The following PIK3R4 variants were observed in gnomAD, a reference collection of about 807,000 sequenced individuals.
PIK3R4 encodes the protein phosphoinositide 3-kinase regulatory subunit 4.
Under a neutral mutation model 136.5 loss-of-function variants are expected in PIK3R4, and 46 were observed. The ratio of observed to expected loss-of-function variants is 0.34; its 90% CI spans 0.27 to 0.43. The LOEUF is 0.43. PIK3R4 is among the 20% of genes least tolerant of loss of function. PIK3R4 has a pLI of 1.00. For synonymous variants in PIK3R4, 557 were observed against 566.7 expected (o/e 0.98, Z 0.24); for missense variants, 1,331 against 1,649.5 (o/e 0.81, Z 3.35).
At chr3:130,700,029 G>A (rs1324403521) in intron 13 of PIK3R4, among the ~76,000 whole-genome samples, 1 of 152,172 alleles carries the variant, frequency 6.6e-6, no homozygotes, top group Non-Finnish European at 1.5e-5. Flanking sequence ...TAGGGTTTTT[G>A]TCTCACTGAG....
intron 13 of PIK3R4, 24 bp from the exon 14 acceptor site, chr3:130,690,678 CATTTATGAACCA>C (rs1192306954): frequency 6.8e-7 from 1 of 1,477,782 alleles, no homozygotes; most frequent in Non-Finnish European, 9.3e-7. Context: ...AAATAAAATT[CATTTATGAACCA>C]ATGTCACTGC....
chr3:130,718,466 G>A lies in PIK3R4; in HGVS notation c.2050C>T (p.Arg684Cys), dbSNP rs753937041. The A allele has an allele frequency of 6.2e-6, 10 of 1,613,376 alleles. 1 individual carries two copies. The highest frequency in any genetic ancestry group is 3.3e-4 in the Middle Eastern group (2 of 6,080). Residue 684 changes from arginine (R) to cysteine (C), a missense_variant, in exon 8 of 20, where the codon CGT (arginine) becomes TGT (cysteine). By Grantham distance (180) the Arg-to-Cys change is radical (BLOSUM62 -3). This residue lies in a region of PIK3R4 where 1,180 missense variants were observed against 1,407.0 expected (regional missense o/e 0.84). Transcript: ENST00000356763. Reference protein sequence around the residue: ...GAVGFITVVARQISTADVYCK... With the variant: ...GAVGFITVVACQISTADVYCK... ...TAGACATCAGCTGTACTTATTTGAC[G>A]AGCTACCACTGTGATAAATCCCACG...
chr3:130,724,951 C>T (rs936881540), intron 6 of PIK3R4, among the ~76,000 whole-genome samples: 2 of 151,790 alleles, frequency 1.3e-5, no homozygotes, highest in African/African-American at 4.8e-5. Context: ...TGAGTAGTTG[C>T]CTCTGGAAAT....
intron 6 of PIK3R4, among the ~76,000 whole-genome samples, chr3:130,726,554 A>G (rs1410957133): frequency 3.9e-5 from 6 of 152,192 alleles, no homozygotes; most frequent in Non-Finnish European, 5.9e-5. Context: ...CGATCAGCAT[A>G]TGACAGAAAG....
At chr3:130,738,815 T>A (rs2066801687) in intron 2 of PIK3R4, among the ~76,000 whole-genome samples, 1 of 151,894 alleles carries the variant, frequency 6.6e-6, no homozygotes, top group Admixed American at 6.6e-5. Flanking sequence ...AATAAATATA[T>A]ACAACTGAAA....
chr3:130,684,234 CA>C lies in PIK3R4; in HGVS notation c.3607+15del, dbSNP rs771435393. On this transcript the variant is annotated intron_variant, in intron 16 of 19. Transcript: ENST00000356763. ...AGAAAATCTCCCAACACATGAAAGC[CA>C]GCCCTCCATCTTACCTGCAATCACC... 6.2e-7 allele frequency: 1 copy of C among 1,607,468 alleles called. No individual in the cohort carries two copies. The highest frequency in any genetic ancestry group is 1.1e-5 in the South Asian group (1 of 90,530).
At position 130,705,775 on chromosome 3, in the gene PIK3R4, C is replaced by T. The variant is rs761116363; in HGVS notation, c.2722-4G>A. On this transcript the variant is annotated splice_polypyrimidine_tract_variant and splice_region_variant and intron_variant, in intron 11 of 19. Transcript: ENST00000356763. ...GGACAGTTGTCACTTCTGGAACCTA[C>T]AAAACAAATAGAATTCTAACTATTT... 1.3e-6 allele frequency: 2 copies of T among 1,563,222 alleles called. No individual in the cohort carries two copies. The highest frequency in any genetic ancestry group is 8.8e-7 in the Non-Finnish European group (1 of 1,134,626).
At position 130,708,459 on chromosome 3, in the gene PIK3R4, C is replaced by T; in HGVS notation, c.2365G>A (p.Ala789Thr). Residue 789 changes from alanine to threonine, a missense_variant, in exon 10 of 20, where the codon GCA becomes ACA. Transcript: ENST00000356763. The stretch of plus-strand genomic sequence containing the variant: ...GATTTCATCATGAAGTCTTTCAGTG[C>T]CAGAAGTTTGTCTTCCTCTTCCTCT... ...MTEEEEDKLL[A>T]LKDFMMKSNK... 6.2e-7 allele frequency: 1 copy of T among 1,613,138 alleles called. No homozygotes were observed. The highest frequency in any genetic ancestry group is 8.5e-7 in the Non-Finnish European group (1 of 1,179,274).
chr3:130,697,556 A>G (rs2066553110), intron 13 of PIK3R4, among the ~76,000 whole-genome samples: 1 of 152,208 alleles, frequency 6.6e-6, no homozygotes, highest in Non-Finnish European at 1.5e-5. Flanking sequence ...CTCTGAGAAT[A>G]CAATGAACAC....
chr3:130,682,154 ACTTT>A (rs1416360414), intron 16 of PIK3R4, among the ~76,000 whole-genome samples: 1 of 152,178 alleles, frequency 6.6e-6, no homozygotes, highest in African/African-American at 2.4e-5. Context: ...TGGCAAAGTG[ACTTT>A]GCAGATGTGA....
At position 130,733,949 on chromosome 3, in the gene PIK3R4, A is replaced by C; in HGVS notation, c.1049T>G (p.Leu350Trp). The C allele has an allele frequency of 6.2e-7, 1 of 1,614,154 alleles. No individual in the cohort carries two copies. Among genetic ancestry groups the C allele is most frequent in the Non-Finnish European group, 8.5e-7 (1 of 1,180,006 alleles). The change falls in exon 4 of 20, where the codon TTG (leucine) becomes TGG (tryptophan). Residue 350 changes from leucine (L) to tryptophan (W), a missense_variant. This residue lies in a region of PIK3R4 where 1,180 missense variants were observed against 1,407.0 expected (regional missense o/e 0.84). Coordinates refer to ENST00000356763, the MANE Select transcript of PIK3R4 (RefSeq NM_014602.3). ...DERILVIRKD[L>W]GNIIHNLCGH... ...ACAGAGATTGTGAATAATGTTGCCC[A>C]AATCCTTCCGTATAACCAGAATACG...
At chr3:130,685,588 A>G (rs1441790697) in intron 15 of PIK3R4, among the ~76,000 whole-genome samples, 1 of 152,244 alleles carries the variant, frequency 6.6e-6, no homozygotes, top group Non-Finnish European at 1.5e-5. Context: ...ATTGTTATCT[A>G]TAAAATGGAA....
chr3:130,685,627 C>T (rs1313029944), intron 15 of PIK3R4, among the ~76,000 whole-genome samples: 2 of 152,132 alleles, frequency 1.3e-5, no homozygotes, highest in Non-Finnish European at 2.9e-5. Context: ...TTTTTAAAAT[C>T]CTGCTTAAGC....
At chr3:130,722,602 T>A (rs1008460265) in intron 7 of PIK3R4, among the ~76,000 whole-genome samples, 1 of 152,158 alleles carries the variant, frequency 6.6e-6, no homozygotes, top group Non-Finnish European at 1.5e-5. Context: ...GAAATTATAA[T>A]AGAATAAACA....
At chr3:130,722,415 C>T (rs1406689964) in intron 7 of PIK3R4, among the ~76,000 whole-genome samples, 1 of 152,138 alleles carries the variant, frequency 6.6e-6, no homozygotes, top group Non-Finnish European at 1.5e-5. Flanking sequence ...AAAATCTCCA[C>T]AAACTTTGAG....
intron 3 of PIK3R4, among the ~76,000 whole-genome samples, chr3:130,735,449 T>A (rs1181506413): frequency 6.6e-6 from 1 of 152,210 alleles, no homozygotes; most frequent in African/African-American, 2.4e-5. Context: ...TACAAAGCTA[T>A]TTGCTTCTAT....
At chr3:130,700,943 G>A (rs2066570731) in intron 13 of PIK3R4, among the ~76,000 whole-genome samples, 1 of 152,192 alleles carries the variant, frequency 6.6e-6, no homozygotes, top group African/African-American at 2.4e-5. Flanking sequence ...AGGAGATCCA[G>A]TCTCCTAACC....
intron 2 of PIK3R4, among the ~76,000 whole-genome samples, chr3:130,739,383 G>A (rs1047052921): frequency 6.6e-6 from 1 of 151,872 alleles, no homozygotes; most frequent in African/African-American, 2.4e-5. Flanking sequence ...CCTTTTGTTT[G>A]TTTTTTGATA....
At chr3:130,707,190 G>A in intron 10 of PIK3R4, 55 bp from the exon 11 acceptor site, 2 of 1,312,764 alleles carry the variant, frequency 1.5e-6, no homozygotes, top group South Asian at 1.4e-5. Context: ...AAACCATTAT[G>A]TGCTTTTATT....
Sources: gnomAD v4.1 joint callset for allele counts (sites outside exome capture counted in the v4.1 genomes callset) on GRCh38, gnomAD v4.1.1 for gene constraint, gnomAD v4.1.1 regional missense constraint, MANE v1.5 for transcripts, NCBI Gene and HGNC (gene_info 2026-07-23, HGNC 2026-07-21) for gene names.